Variants in FBXL18 observed in about 807,000 individuals in gnomAD.
The protein encoded by FBXL18 is F-box and leucine rich repeat protein 18.
A neutral mutation model predicts 46.0 loss-of-function variants in FBXL18; 36 were observed. The observed-to-expected ratio is 0.78, with a 90% confidence interval of 0.60 to 1.03. The LOEUF (loss-of-function observed/expected upper bound fraction) is 1.03, where lower values mean the gene tolerates loss of function less well. Ranked by LOEUF, FBXL18 falls within the 50% of genes least tolerant of loss-of-function variation. FBXL18 has a pLI of 0.00. For missense variants in FBXL18, 977 were observed against 1,004.1 expected, an observed-to-expected ratio of 0.97 and a Z score of 0.36; for synonymous variants, 557 against 465.3, an observed-to-expected ratio of 1.20 and a Z score of -2.54.
chr7:5,512,083 A>C (rs1468720838), intron 1 of FBXL18, among the ~76,000 whole-genome samples: 3 of 150,258 alleles, frequency 2.0e-5, no homozygotes, highest in East Asian at 3.9e-4. Flanking sequence ...AAAAAAAAAA[A>C]AAAACCAAAA....
At chr7:5,463,548 G>C (rs141130231) in intron 4 of FBXL18, among the ~76,000 whole-genome samples, 6,628 of 151,238 alleles carry the variant, frequency 0.044, 498 homozygotes, top group African/African-American at 0.15. Flanking sequence ...GAGCCCAGGA[G>C]GTCAAGGCTG....
intron 4 of FBXL18, among the ~76,000 whole-genome samples, chr7:5,484,373 C>A (rs13232753): frequency 0.39 from 59,000 of 150,694 alleles, 12,144 homozygotes; most frequent in South Asian, 0.54. Flanking sequence ...CGGAAGGCTG[C>A]GGCAGGAGAA....
chr7:5,500,363 T>A, intron 3 of FBXL18, 125 bp downstream of exon 3: 1 of 858,658 alleles, frequency 1.2e-6, no homozygotes, highest in Non-Finnish European at 1.8e-6. Context: ...CGTGGCACGC[T>A]GCGAGGCCCC....
intron 4 of FBXL18, 81 bp from the exon 5 acceptor site, chr7:5,482,012 C>A (rs1249253203): frequency 6.7e-7 from 1 of 1,485,932 alleles, no homozygotes; most frequent in East Asian, 2.3e-5. Flanking sequence ...CCAGGAGGCA[C>A]TCACACCTGC....
Position 5,500,856 on chromosome 7 carries a change from G to T in FBXL18, c.1413C>A (p.Pro471=). 1.9e-6 allele frequency: 3 copies of T among 1,607,216 alleles called. No individual in the cohort carries two copies. Among genetic ancestry groups the T allele is most frequent in the Admixed American group, 3.4e-5 (2 of 59,662 alleles). ...SPFSGQACPQ[P]SSVFWSLLKN... is the part of the protein sequence containing the mutation. ...TCAGCAGAGACCAGAACACGGAGGA[G>T]GGCTGGGGGCACGCCTGGCCCGAGA... The change falls in exon 3 of 5, where the codon CCC becomes CCA. Residue 471 remains proline, a synonymous_variant. Coordinates refer to ENST00000382368, the MANE Select transcript of FBXL18 (RefSeq NM_024963.6).
intron 4 of FBXL18, among the ~76,000 whole-genome samples, chr7:5,470,583 C>T (rs1340223268): frequency 6.6e-6 from 1 of 152,166 alleles, no homozygotes; most frequent in East Asian, 1.9e-4. Flanking sequence ...CCACGGCCAG[C>T]CTTCCACAGG....
rs372149166 is a variant in FBXL18, at chr7:5,477,469, G to A, written c.*4306C>T. On this transcript the variant is annotated 3_prime_UTR_variant, in exon 5 of 5. Coordinates refer to ENST00000382368, the MANE Select transcript of FBXL18 (RefSeq NM_024963.6). This position sits in a 1 kb window ranked among gnomAD's most constrained non-coding sequence, Gnocchi z 4.4. ...TGTTATCCTAGCACTTTGGGAGGCC[G>A]AGGCAGGAGAATCACTTGAGGTCAG... 2.0e-5 allele frequency among the ~76,000 whole-genome samples: 3 copies of A among 152,104 alleles called. No individual in the cohort carries two copies. The highest frequency in any genetic ancestry group is 4.8e-5 in the African/African-American group (2 of 41,418).
intron 4 of FBXL18, among the ~76,000 whole-genome samples, chr7:5,482,547 C>G (rs13225299): frequency 1.4e-5 from 2 of 147,716 alleles, no homozygotes; most frequent in Non-Finnish European, 3.0e-5. Flanking sequence ...ACGCTGTGCA[C>G]GAAAACTCAT....
chr7:5,507,091 G>A (rs573128218), intron 1 of FBXL18, among the ~76,000 whole-genome samples: 3 of 152,244 alleles, frequency 2.0e-5, no homozygotes, highest in South Asian at 2.1e-4. Flanking sequence ...GAGAGTGCCC[G>A]GAATCATCTC....
chr7:5,466,643 C>T (rs1783344809), intron 4 of FBXL18, among the ~76,000 whole-genome samples: 2 of 152,324 alleles, frequency 1.3e-5, no homozygotes, highest in Admixed American at 1.3e-4. Context: ...CCCTCTGCCA[C>T]AGAACCCGCA....
At chr7:5,461,532 A>C (rs1783246315) in intron 4 of FBXL18, among the ~76,000 whole-genome samples, 1 of 152,188 alleles carries the variant, frequency 6.6e-6, no homozygotes, top group South Asian at 2.1e-4. Flanking sequence ...AGTCCAAGCT[A>C]CTTGGGAGGC....
chr7:5,487,414 G>T (rs1783803398), intron 4 of FBXL18, among the ~76,000 whole-genome samples: 2 of 152,216 alleles, frequency 1.3e-5, no homozygotes, highest in African/African-American at 4.8e-5. Context: ...CTGCAATGCT[G>T]TGACCCTCTC....
chr7:5,465,050 G>A (rs1371052905), intron 4 of FBXL18, among the ~76,000 whole-genome samples: 1 of 151,968 alleles, frequency 6.6e-6, no homozygotes, highest in Non-Finnish European at 1.5e-5. Context: ...GCGACAGAAC[G>A]AAGCTCCATC....
At position 5,481,187 on chromosome 7, in the gene FBXL18, C is replaced by A. The variant is rs1397946954; in HGVS notation, c.*588G>T. The A allele has an allele frequency of 6.5e-6, 1 of 152,800 alleles. No individual in the cohort carries two copies. Among genetic ancestry groups the A allele is most frequent in the East Asian group, 1.9e-4 (1 of 5,174 alleles). 9.5% of individuals were successfully genotyped at this position (152,800 alleles called of 1,614,324 possible). On this transcript the variant is annotated 3_prime_UTR_variant, in exon 5 of 5. Transcript: ENST00000382368. Reference sequence around the variant, plus strand: ...CATCTGGCTAGAAAAGCCCCAGAGACATGAGTGGGCTCAAGTGTGTCCTAA... The same window carrying A: ...CATCTGGCTAGAAAAGCCCCAGAGAAATGAGTGGGCTCAAGTGTGTCCTAA...
chr7:5,493,992 G>A (rs543238449), intron 3 of FBXL18, among the ~76,000 whole-genome samples: 55 of 152,146 alleles, frequency 3.6e-4, no homozygotes, highest in Admixed American at 6.5e-4. Flanking sequence ...AGCCAGGCAG[G>A]CCGGGCACGG....
intron 1 of FBXL18, among the ~76,000 whole-genome samples, chr7:5,506,965 G>C (rs1207652894): frequency 6.6e-6 from 1 of 152,208 alleles, no homozygotes; most frequent in African/African-American, 2.4e-5. Flanking sequence ...TGAAGAGGGA[G>C]AAGAGCTGGA....
downstream of FBXL18, among the ~76,000 whole-genome samples, chr7:5,471,704 A>G (rs1252420297): frequency 6.6e-6 from 1 of 152,206 alleles, no homozygotes; most frequent in Non-Finnish European, 1.5e-5. Flanking sequence ...AAGGCTCGCC[A>G]CATGGACAAA....
intron 3 of FBXL18, among the ~76,000 whole-genome samples, chr7:5,491,812 C>A (rs1783934918): frequency 6.6e-6 from 1 of 152,212 alleles, no homozygotes; most frequent in African/African-American, 2.4e-5. Flanking sequence ...GTGTGCTGGG[C>A]AGCGGATGCA....
At chr7:5,512,448 C>G (rs1361388117) in intron 1 of FBXL18, among the ~76,000 whole-genome samples, 2 of 152,120 alleles carry the variant, frequency 1.3e-5, no homozygotes, top group Non-Finnish European at 2.9e-5. Context: ...AACCCTGTCT[C>G]TACTGAAAAT....
Sources: gnomAD v4.1 joint callset for allele counts (sites outside exome capture counted in the v4.1 genomes callset) on GRCh38, gnomAD v4.1.1 for gene constraint, Gnocchi (gnomAD v3.1) non-coding constraint, MANE v1.5 for transcripts, NCBI Gene and HGNC (gene_info 2026-07-23, HGNC 2026-07-21) for gene names.